The following KRT78 variants were observed in gnomAD, a reference collection of about 807,000 sequenced individuals.
KRT78 encodes the protein keratin, type II cytoskeletal 78.
In KRT78, 55 loss-of-function variants were observed where a neutral mutation model predicts 51.4. The ratio of observed to expected loss-of-function variants is 1.07; its 90% CI spans 0.86 to 1.34. The LOEUF (loss-of-function observed/expected upper bound fraction) is 1.34, where lower values mean the gene tolerates loss of function less well. KRT78 is among the 40% of genes most tolerant of loss of function. KRT78 has a pLI of 0.00. For missense variants in KRT78, 652 were observed against 649.4 expected (o/e 1.00, Z -0.04); for synonymous variants, 291 against 264.3 (o/e 1.10, Z -0.98).
chr12:52,846,182 T>C lies in KRT78; in HGVS notation c.756+15A>G. 1 of 1,594,582 alleles carries C rather than the reference T, an allele frequency of 6.3e-7. No individual in the cohort carries two copies. The highest frequency in any genetic ancestry group is 8.6e-7 in the Non-Finnish European group (1 of 1,163,098). ...CTCTCTCTTGGCTGCAGCCTGCCCT[T>C]TGGTTGAGCCTCACTTCTTCATTCA... On this transcript the variant is annotated intron_variant, in intron 4 of 8. Coordinates refer to ENST00000304620, the MANE Select transcript of KRT78 (RefSeq NM_173352.4).
At chr12:52,846,975 G>A (rs903174198) in intron 2 of KRT78, 151 bp from the exon 3 acceptor site, 9 of 633,310 alleles carry the variant, frequency 1.4e-5, no homozygotes, top group Middle Eastern at 2.5e-4. Flanking sequence ...TTCCTGCCAC[G>A]TCCTAGCTAT....
At position 52,848,870 on chromosome 12, in the gene KRT78, G is replaced by T. The variant is rs142981237; in HGVS notation, c.61C>A (p.Arg21Ser). 1.2e-6 allele frequency: 2 copies of T among 1,609,924 alleles called. No homozygotes were observed. Among genetic ancestry groups the T allele is most frequent in the African/African-American group, 1.3e-5 (1 of 74,934 alleles). ...GFSARSACSA[R>S]SRGRSRGGFS... ...CCTCCCCTGCTGCGGCCCCTTGAGC[G>T]AGCAGAACAGGCTGAGCGAGCGCTG... Residue 21 changes from arginine to serine, a missense_variant, in exon 1 of 9, where the codon CGC becomes AGC. Physicochemically the swap from Arg to Ser is moderately radical, Grantham distance 110 (BLOSUM62 -1). Coordinates refer to ENST00000304620, the MANE Select transcript of KRT78 (RefSeq NM_173352.4).
chr12:52,846,705 T>C, intron 3 of KRT78, 59 bp downstream of exon 3: 1 of 1,459,582 alleles, frequency 6.9e-7, no homozygotes, highest in Admixed American at 1.7e-5. Context: ...AGCCTAGGAC[T>C]AGGCTCCGTG....
At chr12:52,845,966 A>G (rs945228071) in intron 4 of KRT78, 1 of 509,240 alleles carries the variant, frequency 2.0e-6, no homozygotes, top group Non-Finnish European at 3.5e-6. Flanking sequence ...AAAAAAAAAA[A>G]GCAATTTTTT....
In KRT78 at chr12:52,848,077, C is replaced by A. The variant is rs756539697; in HGVS notation, c.429G>T (p.Trp143Cys). Residue 143 changes from tryptophan to cysteine, a missense_variant, in exon 2 of 9, where the codon TGG (tryptophan) becomes TGT (cysteine). Physicochemically the swap from Trp to Cys is radical, Grantham distance 215 (BLOSUM62 -2). Coordinates refer to ENST00000304620, the MANE Select transcript of KRT78 (RefSeq NM_173352.4). ...TCAACCCCTGTTGCTGCAGCAGATGCCACTTCGTCTCCAGGACCTTGTTCT... is the reference window on the plus strand; with the variant it reads ...TCAACCCCTGTTGCTGCAGCAGATGACACTTCGTCTCCAGGACCTTGTTCT... Reference protein sequence around the residue: ...EQQNKVLETKWHLLQQQGLSG... With the variant: ...EQQNKVLETKCHLLQQQGLSG... The A allele has an allele frequency of 4.3e-6, 7 of 1,614,192 alleles. No homozygotes were observed. The highest frequency in any genetic ancestry group is 5.1e-6 in the Non-Finnish European group (6 of 1,180,046).
chr12:52,839,341 T>G lies in KRT78; in HGVS notation c.1335A>C (p.Gly445=), dbSNP rs760880814. The stretch of plus-strand genomic sequence containing the variant: ...TGCTCCCCAAGCCTCCACCAACTCC[T>G]CCAGACATGACAGCGCTGCCTCCCA... ...SSVGGSAVMS[G]GVGGGLGSTC... Residue 445 remains glycine, a synonymous_variant, in exon 9 of 9, where the codon GGA becomes GGC. Coordinates refer to ENST00000304620, the MANE Select transcript of KRT78 (RefSeq NM_173352.4). 1 of 1,613,488 alleles carries G rather than the reference T, an allele frequency of 6.2e-7. No individual in the cohort carries two copies. Among genetic ancestry groups the G allele is most frequent in the South Asian group, 1.1e-5 (1 of 90,992 alleles).
chr12:52,844,531 C>A, intron 5 of KRT78, 28 bp downstream of exon 5: 1 of 1,599,170 alleles, frequency 6.3e-7, no homozygotes, highest in Non-Finnish European at 8.5e-7. Context: ...CCATTTCCAG[C>A]ATGGTGCTGC....
intron 1 of KRT78, 56 bp downstream of exon 1, chr12:52,848,491 G>C: frequency 6.3e-7 from 1 of 1,593,586 alleles, no homozygotes; most frequent in South Asian, 1.2e-5. Flanking sequence ...AGTCCATCAA[G>C]AGCAGCTCCT....
chr12:52,837,965 G>C lies in KRT78; in HGVS notation c.*1148C>G, dbSNP rs1169046151. On this transcript the variant is annotated 3_prime_UTR_variant, in exon 9 of 9. Coordinates refer to ENST00000304620, the MANE Select transcript of KRT78 (RefSeq NM_173352.4). The stretch of plus-strand genomic sequence containing the variant: ...GAAGAGGTCAAGCTGCTTGATCAAG[G>C]TCACACCACTAGGAAACAGCAGAGC... 1 of 152,138 alleles carries C rather than the reference G, an allele frequency of 6.6e-6. No individual in the cohort carries two copies. Among genetic ancestry groups the C allele is most frequent in the East Asian group, 1.9e-4 (1 of 5,194 alleles). 9.4% of individuals were successfully genotyped at this position (152,138 alleles called of 1,614,324 possible). A position where few individuals can be genotyped will look rare whatever the true frequency, so the allele number is the denominator to read the frequency against.
chr12:52,847,821 A>G, intron 2 of KRT78, 86 bp downstream of exon 2: 1 of 1,186,398 alleles, frequency 8.4e-7, no homozygotes, highest in South Asian at 1.3e-5. Context: ...GGTGCTCAGT[A>G]TGTGGGACAC....
intron 5 of KRT78, 132 bp from the exon 6 acceptor site, chr12:52,844,350 G>A (rs1203319996): frequency 8.2e-7 from 1 of 1,215,028 alleles, no homozygotes; most frequent in African/African-American, 1.5e-5. Context: ...GACACAGTGG[G>A]ATATACTTCC....
At chr12:52,839,544 C>T in intron 7 of KRT78, 57 bp from the exon 8 acceptor site, 2 of 1,489,290 alleles carry the variant, frequency 1.3e-6, no homozygotes, top group African/African-American at 1.4e-5. Context: ...AGAATGCATC[C>T]CCACGAGCTT....
chr12:52,845,296 G>A (rs756783941), intron 4 of KRT78, among the ~76,000 whole-genome samples: 25 of 151,964 alleles, frequency 1.6e-4, no homozygotes, highest in African/African-American at 4.4e-4. Context: ...ATGAGCCACC[G>A]TGCCCAGCCA....
intron 2 of KRT78, 148 bp from the exon 3 acceptor site, chr12:52,846,972 C>T (rs1940659009): frequency 3.1e-6 from 2 of 638,234 alleles, no homozygotes; most frequent in Admixed American, 2.7e-5. Context: ...CCTTTCCTGC[C>T]ACGTCCTAGC....
In KRT78 at chr12:52,844,739, A is replaced by T; in HGVS notation, c.757-16T>A. Reference sequence around the variant, plus strand: ...GGCCCAGCTCCTGCAGGGAAGACAGACTCAGTGTCCACTCACCCCCAGCTC... The same window carrying T: ...GGCCCAGCTCCTGCAGGGAAGACAGTCTCAGTGTCCACTCACCCCCAGCTC... On this transcript the variant is annotated splice_polypyrimidine_tract_variant and intron_variant, in intron 4 of 8. Coordinates refer to ENST00000304620, the MANE Select transcript of KRT78 (RefSeq NM_173352.4). The T allele has an allele frequency of 6.3e-7, 1 of 1,596,416 alleles. No homozygotes were observed. The highest frequency in any genetic ancestry group is 1.3e-5 in the African/African-American group (1 of 74,690).
At chr12:52,842,405 G>T (rs1421911724) in intron 6 of KRT78, among the ~76,000 whole-genome samples, 2 of 152,148 alleles carry the variant, frequency 1.3e-5, no homozygotes, top group South Asian at 2.1e-4. Flanking sequence ...ACCGCAGGAG[G>T]AGCAGGAAAC....
chr12:52,838,999 T>A lies in KRT78; in HGVS notation c.*114A>T. On this transcript the variant is annotated 3_prime_UTR_variant, in exon 9 of 9. Coordinates refer to ENST00000304620, the MANE Select transcript of KRT78 (RefSeq NM_173352.4). ...GGAGACTTTATTGATTTTTGCAGCATCCGCTGTGGGCTGGCTTGGGCTGTG... is the reference window on the plus strand; with the variant it reads ...GGAGACTTTATTGATTTTTGCAGCAACCGCTGTGGGCTGGCTTGGGCTGTG... The A allele has an allele frequency of 1.6e-6, 2 of 1,257,680 alleles. No individual in the cohort carries two copies. Among genetic ancestry groups the A allele is most frequent in the Non-Finnish European group, 2.2e-6 (2 of 915,374 alleles). 77.9% of individuals were successfully genotyped at this position (1,257,680 alleles called of 1,614,324 possible).
rs1940710501 is a variant in KRT78 at position 52,848,791 on chromosome 12, C to T, written c.140G>A (p.Cys47Tyr). The T allele has an allele frequency of 6.8e-6, 11 of 1,613,154 alleles. No individual in the cohort carries two copies. The highest frequency in any genetic ancestry group is 8.5e-6 in the Non-Finnish European group (10 of 1,179,702). Reference sequence around the variant, plus strand: ...GGTACTCCCACGAGAGCCTTCCAGGCACCCCCCAAAGGAATTAAGGCTCCT... The same window carrying T: ...GGTACTCCCACGAGAGCCTTCCAGGTACCCCCCAAAGGAATTAAGGCTCCT... ...SSRSLNSFGG[C>Y]LEGSRGSTWG... Residue 47 changes from cysteine (C) to tyrosine (Y), a missense_variant, in exon 1 of 9, where the codon TGC becomes TAC. Coordinates refer to ENST00000304620, the MANE Select transcript of KRT78 (RefSeq NM_173352.4).
At chr12:52,843,482 G>A (rs1022609160) in intron 6 of KRT78, among the ~76,000 whole-genome samples, 1 of 150,744 alleles carries the variant, frequency 6.6e-6, no homozygotes, top group African/African-American at 2.4e-5. Context: ...TTGAGGTCAG[G>A]AGTTTGAGAC....
Sources: gnomAD v4.1 joint callset for allele counts (sites outside exome capture counted in the v4.1 genomes callset) on GRCh38, gnomAD v4.1.1 for gene constraint, MANE v1.5 for transcripts, NCBI Gene and HGNC (gene_info 2026-07-23, HGNC 2026-07-21) for gene names.